The following ADAP1 variants were observed in gnomAD, a reference collection of about 807,000 sequenced individuals.
ADAP1 encodes ArfGAP with dual PH domains 1, also known as arf-GAP with dual PH domain-containing protein 1.
ADAP1 carries 31 observed loss-of-function variants against 54.9 expected under a neutral mutation model. The ratio of observed to expected loss-of-function variants is 0.56; its 90% CI spans 0.42 to 0.76. The LOEUF (loss-of-function observed/expected upper bound fraction) is 0.76, where lower values mean the gene tolerates loss of function less well. Among genes scored for constraint, ADAP1 ranks in the 30% least tolerant of loss-of-function variants. The probability of loss-of-function intolerance (pLI) is 0.00; values close to 1 mark genes in which losing one functional copy is unlikely to be tolerated. For synonymous variants in ADAP1, 313 were observed against 202.6 expected, an observed-to-expected ratio of 1.55 and a Z score of -4.63; for missense variants, 535 against 512.4, an observed-to-expected ratio of 1.04 and a Z score of -0.42.
Position 925,258 on chromosome 7 carries a change from A to G in ADAP1, c.305+1295T>C, listed in dbSNP as rs577995499. On this transcript the variant is annotated intron_variant, in intron 3 of 10. Transcript: ENST00000265846. ...CCGAAGACCCCGGGAGGGCCGGTTC[A>G]TGCTGCAATCCCAGCACTTTGGGAG... Among the ~76,000 whole-genome samples, 7 of 150,816 alleles carry G rather than the reference A, an allele frequency of 4.6e-5. No homozygotes were observed. The South Asian group carries it at 1.5e-3, about 32-fold the overall frequency.
In ADAP1 at chr7:898,783, G is replaced by GCC; in HGVS notation, c.*136_*137dup. On this transcript the variant is annotated 3_prime_UTR_variant, in exon 11 of 11. Coordinates refer to ENST00000265846, the MANE Select transcript of ADAP1 (RefSeq NM_006869.4). ...AAGCATCCTGGAAGCTGAAGCTCGG[G>GCC]CCCTACCTGGCCGCGCCGGGCTGCC... 1 of 1,166,278 alleles carries GCC rather than the reference G, an allele frequency of 8.6e-7. No individual in the cohort carries two copies. The highest frequency in any genetic ancestry group is 1.2e-6 in the Non-Finnish European group (1 of 818,328). 72.2% of individuals were successfully genotyped at this position (1,166,278 alleles called of 1,614,324 possible).
chr7:905,868 G>C, intron 4 of ADAP1, among the ~76,000 whole-genome samples: 1 of 59,076 alleles, frequency 1.7e-5, no homozygotes, highest in Non-Finnish European at 4.3e-5. Context: ...AGGGAGAAGG[G>C]AGAAGGGAGA....
chr7:906,722 A>G (rs1845436469), intron 4 of ADAP1, among the ~76,000 whole-genome samples: 365 of 22,396 alleles, frequency 0.016, 24 homozygotes, highest in East Asian at 0.081. Flanking sequence ...GACATCGGGG[A>G]CGGGACATGG....
chr7:939,290 G>A (rs541691760), intron 1 of ADAP1, among the ~76,000 whole-genome samples: 1 of 152,116 alleles, frequency 6.6e-6, no homozygotes, highest in African/African-American at 2.4e-5. Flanking sequence ...TGTGATCTCA[G>A]CTCACTGCAA....
chr7:919,390 G>A (rs1846068646), intron 4 of ADAP1, among the ~76,000 whole-genome samples: 1 of 152,120 alleles, frequency 6.6e-6, no homozygotes, highest in Non-Finnish European at 1.5e-5. Flanking sequence ...CACTCCTTCA[G>A]GGCTGGACTG....
rs151134913 is a variant in ADAP1, at chr7:904,943, CG to C, written c.501+116del. ...GCCGGTTCTCCTGGAGCGTCCCCAT[CG>C]GGGGGGGCAGCAGGGAGGGCAGCTG... On this transcript the variant is annotated intron_variant, in intron 5 of 10. Transcript: ENST00000265846. 7.9e-4 allele frequency: 677 copies of C among 853,570 alleles called. 1 individual carries two copies. Among genetic ancestry groups the C allele is most frequent in the African/African-American group, 7.5e-3 (448 of 59,880 alleles). The allele number at this position is 853,570 out of a possible 1,614,324, so 52.9% of individuals were successfully genotyped here. A position where few individuals can be genotyped will look rare whatever the true frequency, so the allele number is the denominator to read the frequency against.
At chr7:940,673 T>C (rs1303291065) in intron 1 of ADAP1, among the ~76,000 whole-genome samples, 1 of 152,178 alleles carries the variant, frequency 6.6e-6, no homozygotes, top group Non-Finnish European at 1.5e-5. Context: ...ATCTCCCATA[T>C]GACACAGCCA....
chr7:900,216 G>GC, intron 7 of ADAP1, 52 bp from the exon 8 acceptor site: 1 of 1,606,058 alleles, frequency 6.2e-7, no homozygotes. Context: ...CTCAGGCCGA[G>GC]CCCCTCCCTG....
intron 6 of ADAP1, among the ~76,000 whole-genome samples, chr7:901,704 C>G (rs1478492315): frequency 6.6e-6 from 1 of 151,182 alleles, no homozygotes; most frequent in Non-Finnish European, 1.5e-5. Flanking sequence ...CCTCCTAGGC[C>G]ACGCCCACAA....
At chr7:919,537 G>GGAGA (rs911732337) in intron 4 of ADAP1, among the ~76,000 whole-genome samples, 2 of 140,936 alleles carry the variant, frequency 1.4e-5, no homozygotes, top group African/African-American at 5.5e-5. Flanking sequence ...AGGGAGGGAA[G>GGAGA]GAGAGAGAGA....
intron 1 of ADAP1, among the ~76,000 whole-genome samples, chr7:950,713 C>T (rs954833543): frequency 3.0e-4 from 46 of 151,800 alleles, no homozygotes; most frequent in African/African-American, 9.7e-4. Flanking sequence ...AAAAATTAGC[C>T]GGGCGTGGTG....
chr7:903,682 G>A (rs1207068392), intron 6 of ADAP1, among the ~76,000 whole-genome samples: 1 of 152,024 alleles, frequency 6.6e-6, no homozygotes, highest in Non-Finnish European at 1.5e-5. Context: ...CCACACCAAG[G>A]GCAGCCAAAG....
At chr7:935,980 G>A (rs2128108997) in intron 1 of ADAP1, among the ~76,000 whole-genome samples, 1 of 152,348 alleles carries the variant, frequency 6.6e-6, no homozygotes, top group African/African-American at 2.4e-5. Flanking sequence ...CCAACGCGCT[G>A]CACACCCCCG....
intron 4 of ADAP1, among the ~76,000 whole-genome samples, chr7:917,519 C>T (rs1050649836): frequency 3.9e-5 from 6 of 151,996 alleles, no homozygotes; most frequent in Admixed American, 3.3e-4. Context: ...GGCTGGAGTG[C>T]AGAGGCGCAA....
chr7:928,585 A>C (rs1846464578), intron 2 of ADAP1, among the ~76,000 whole-genome samples: 1 of 152,210 alleles, frequency 6.6e-6, no homozygotes, highest in African/African-American at 2.4e-5. Context: ...AAGATGCACA[A>C]ATGGCCACTC....
At position 920,830 on chromosome 7, in the gene ADAP1, C is replaced by A; in HGVS notation, c.306-780G>T. On this transcript the variant is annotated intron_variant, in intron 3 of 10. Coordinates refer to ENST00000265846, the MANE Select transcript of ADAP1 (RefSeq NM_006869.4). This position sits in a 1 kb window ranked among gnomAD's most constrained non-coding sequence, Gnocchi z 4.5. ...GCAGAAACCACGACCCACACACAGG[C>A]CCGGCACGGCCCAGGTGCACAGGCA... is the stretch of plus-strand genomic sequence containing the variant. The A allele has an allele frequency of 6.5e-7, 1 of 1,550,250 alleles. No individual in the cohort carries two copies. The highest frequency in any genetic ancestry group is 1.2e-5 in the South Asian group (1 of 84,030).
rs909886044 is a variant in ADAP1 at position 938,883 on chromosome 7, G to C, written c.83-3378C>G. Among the ~76,000 whole-genome samples the C allele has an allele frequency of 6.6e-6, 1 of 152,192 alleles. No individual in the cohort carries two copies. On this transcript the variant is annotated intron_variant, in intron 1 of 10. Coordinates refer to ENST00000265846, the MANE Select transcript of ADAP1 (RefSeq NM_006869.4). This position sits in a 1 kb window ranked among gnomAD's most constrained non-coding sequence, Gnocchi z 4.4. ...CTGCCCATCTAGAAATTCTGAGGGA[G>C]GCTGAGCAACGGCCACCAACAGCTC...
At position 948,910 on chromosome 7, in the gene ADAP1, T is replaced by C. The variant is rs574190115; in HGVS notation, c.82+5486A>G. Among the ~76,000 whole-genome samples the C allele has an allele frequency of 3.3e-5, 5 of 152,186 alleles. No individual in the cohort carries two copies. The South Asian group carries it at 1.0e-3, about 32-fold the overall frequency. ...TGGGGTTTCACCATGTTGGCCAGGATGGTCCTGATCTCCTGACCTCGTGAT... is the reference window on the plus strand; with the variant it reads ...TGGGGTTTCACCATGTTGGCCAGGACGGTCCTGATCTCCTGACCTCGTGAT... On this transcript the variant is annotated intron_variant, in intron 1 of 10. Coordinates refer to ENST00000265846, the MANE Select transcript of ADAP1 (RefSeq NM_006869.4).
At chr7:899,381 A>T in intron 9 of ADAP1, 38 bp downstream of exon 9, 5 of 1,610,746 alleles carry the variant, frequency 3.1e-6, no homozygotes, top group Non-Finnish European at 4.2e-6. Context: ...CCAGCCAGTG[A>T]GCTGCCCTCC....
Sources: gnomAD v4.1 joint callset for allele counts (sites outside exome capture counted in the v4.1 genomes callset) on GRCh38, gnomAD v4.1.1 for gene constraint, Gnocchi (gnomAD v3.1) non-coding constraint, MANE v1.5 for transcripts, NCBI Gene and HGNC (gene_info 2026-07-23, HGNC 2026-07-21) for gene names.